Variants in CRCP observed in about 807,000 individuals in gnomAD.
The protein encoded by CRCP is DNA-directed RNA polymerase III subunit RPC9.
CRCP carries 18 observed loss-of-function variants against 18.5 expected under a neutral mutation model. The observed-to-expected ratio is 0.97, with a 90% CI of 0.67 to 1.44. CRCP has a LOEUF of 1.44. Ranked by LOEUF, CRCP falls within the 40% of genes most tolerant of loss-of-function variation. The probability of loss-of-function intolerance (pLI) is 0.00; values close to 1 mark genes in which losing one functional copy is unlikely to be tolerated. For missense variants in CRCP, 130 were observed against 176.4 expected, an observed-to-expected ratio of 0.74 and a Z score of 1.49; for synonymous variants, 53 against 62.9, an observed-to-expected ratio of 0.84 and a Z score of 0.75.
chr7:66,140,212 C>T lies in CRCP; in HGVS notation c.240-5231C>T, dbSNP rs539180993. On this transcript the variant is annotated intron_variant, in intron 4 of 5. Transcript: ENST00000395326. Reference sequence around the variant, plus strand: ...GAGTTGGAGCTGCTTGTGGGGCCACCGCAGCTGCACCAGGATTGAGGCCCT... The same window carrying T: ...GAGTTGGAGCTGCTTGTGGGGCCACTGCAGCTGCACCAGGATTGAGGCCCT... 3.3e-5 allele frequency among the ~76,000 whole-genome samples: 5 copies of T among 152,238 alleles called. No homozygotes were observed. The East Asian group carries it at 5.8e-4, about 18-fold the overall frequency.
At chr7:66,134,183 A>C (rs752288818) in intron 3 of CRCP, 97 bp from the exon 4 acceptor site, 5 of 1,007,772 alleles carry the variant, frequency 5.0e-6, no homozygotes, top group Non-Finnish European at 7.5e-6. Context: ...TACAAACAAA[A>C]TTTTAGAATT....
chr7:66,151,665 A>G (rs1216053761), intron 5 of CRCP, among the ~76,000 whole-genome samples: 1 of 64,588 alleles, frequency 1.5e-5, no homozygotes, highest in Non-Finnish European at 3.2e-5. Flanking sequence ...CCTGTTCACC[A>G]CTTCTCTCTG....
At chr7:66,135,618 A>G (rs542029099) in intron 4 of CRCP, among the ~76,000 whole-genome samples, 244 of 152,282 alleles carry the variant, frequency 1.6e-3, no homozygotes, top group Non-Finnish European at 2.8e-3. Context: ...ACAAATCTTA[A>G]TGGGGTTTAA....
intron 2 of CRCP, among the ~76,000 whole-genome samples, chr7:66,128,114 CAAA>C (rs5884582): frequency 2.3e-5 from 3 of 130,502 alleles, no homozygotes; most frequent in East Asian, 2.2e-4. Flanking sequence ...GGCTCTGTCT[CAAA>C]AAAAAAAAAA....
At position 66,128,475 on chromosome 7, in the gene CRCP, TG is replaced by T. The variant is rs765604802; in HGVS notation, c.45+738del. The stretch of plus-strand genomic sequence containing the variant: ...CTTTTATACATTGCAAATAGTCTTA[TG>T]GGTATTAACATCCTTATTTTGAAAG... On this transcript the variant is annotated intron_variant, in intron 2 of 5. Coordinates refer to ENST00000395326, the MANE Select transcript of CRCP (RefSeq NM_014478.5). Among the ~76,000 whole-genome samples the T allele has an allele frequency of 4.6e-5, 7 of 152,320 alleles. No homozygotes were observed. The East Asian group carries it at 1.2e-3, about 25-fold the overall frequency.
intron 4 of CRCP, among the ~76,000 whole-genome samples, chr7:66,139,636 G>A (rs1228992003): frequency 1.3e-5 from 2 of 152,190 alleles, no homozygotes; most frequent in African/African-American, 2.4e-5. Context: ...ACTTCAAGTC[G>A]GTCTTGCCTT....
chr7:66,152,575 T>C lies in CRCP; in HGVS notation c.*218T>C, dbSNP rs1788508597. 1 of 550,306 alleles carries C rather than the reference T, an allele frequency of 1.8e-6. No individual in the cohort carries two copies. The highest frequency in any genetic ancestry group is 3.2e-6 in the Non-Finnish European group (1 of 311,490). 34.1% of individuals were successfully genotyped at this position (550,306 alleles called of 1,614,324 possible). A position where few individuals can be genotyped will look rare whatever the true frequency, so the allele number is the denominator to read the frequency against. ...GGCTGAGGTTGTCAGGGCAGAGAGC[T>C]GAAGGTGGGGACAGTGACCGCGGAC... On this transcript the variant is annotated 3_prime_UTR_variant, in exon 6 of 6. Coordinates refer to ENST00000395326, the MANE Select transcript of CRCP (RefSeq NM_014478.5).
intron 4 of CRCP, among the ~76,000 whole-genome samples, chr7:66,145,207 G>A (rs80322192): frequency 3.8e-3 from 582 of 152,252 alleles, no homozygotes; most frequent in Non-Finnish European, 5.4e-3. Context: ...AATGGCATAT[G>A]CCCTGCTGCT....
At chr7:66,146,015 C>A (rs1788282483) in intron 5 of CRCP, among the ~76,000 whole-genome samples, 1 of 152,106 alleles carries the variant, frequency 6.6e-6, no homozygotes, top group African/African-American at 2.4e-5. Flanking sequence ...TCAGGGAGTC[C>A]CCAAGTTCTG....
intron 4 of CRCP, among the ~76,000 whole-genome samples, chr7:66,136,612 C>T (rs1433963563): frequency 6.6e-6 from 1 of 151,618 alleles, no homozygotes; most frequent in African/African-American, 2.4e-5. Flanking sequence ...GATCCTCCTG[C>T]TTTGGCTGCC....
intron 5 of CRCP, 113 bp from the exon 6 acceptor site, chr7:66,152,095 C>CTG (rs1788494803): frequency 1.7e-6 from 2 of 1,172,142 alleles, no homozygotes; most frequent in East Asian, 4.7e-5. Flanking sequence ...AGGACCCAGG[C>CTG]TGTGAGGTCT....
At chr7:66,127,634 C>G (rs1787654792) in intron 1 of CRCP, 70 bp from the exon 2 acceptor site, 1 of 1,555,560 alleles carries the variant, frequency 6.4e-7, no homozygotes, top group East Asian at 2.2e-5. Flanking sequence ...GACAGGAATT[C>G]TTTTACAGAA....
chr7:66,132,487 G>A (rs73699720), intron 3 of CRCP, among the ~76,000 whole-genome samples: 6,024 of 152,176 alleles, frequency 0.04, 405 homozygotes, highest in African/African-American at 0.14. Flanking sequence ...TCCCCTTCTC[G>A]TGTCCTGATT....
intron 5 of CRCP, among the ~76,000 whole-genome samples, chr7:66,148,435 C>T (rs1478537086): frequency 6.6e-6 from 1 of 152,156 alleles, no homozygotes; most frequent in Non-Finnish European, 1.5e-5. Flanking sequence ...GTGAGAAGTT[C>T]CCTATATTAA....
At chr7:66,131,400 T>TCACA (rs1787799133) in intron 3 of CRCP, among the ~76,000 whole-genome samples, 1 of 152,166 alleles carries the variant, frequency 6.6e-6, no homozygotes, top group African/African-American at 2.4e-5. Flanking sequence ...TGAAAGGGGA[T>TCACA]CACAGCTCAC....
intron 4 of CRCP, among the ~76,000 whole-genome samples, chr7:66,142,096 G>A (rs1051394290): frequency 1.3e-5 from 2 of 152,024 alleles, no homozygotes; most frequent in Admixed American, 6.6e-5. Flanking sequence ...CCCTCTTCAC[G>A]TGGAGACCTC....
intron 1 of CRCP, 104 bp from the exon 2 acceptor site, chr7:66,127,600 T>G: frequency 7.5e-7 from 1 of 1,328,724 alleles, no homozygotes; most frequent in Admixed American, 1.9e-5. Flanking sequence ...GTCCCTAAAT[T>G]CAAAAAGTGG....
At position 66,154,076 on chromosome 7, in the gene CRCP, A is replaced by G. The variant is rs1257724312; in HGVS notation, c.*1719A>G. The G allele has an allele frequency of 5.9e-5, 9 of 152,080 alleles. No homozygotes were observed. Among genetic ancestry groups the G allele is most frequent in the Admixed American group, 5.9e-4 (9 of 15,246 alleles). The allele number at this position is 152,080 out of a possible 1,614,324, so 9.4% of individuals were successfully genotyped here. On this transcript the variant is annotated 3_prime_UTR_variant, in exon 6 of 6. Coordinates refer to ENST00000395326, the MANE Select transcript of CRCP (RefSeq NM_014478.5). ...TCCATCTCAAAAAAGAGAAAGTACCAGATTGTACTTTTAAATCTGTCTAGC... is the reference window on the plus strand; with the variant it reads ...TCCATCTCAAAAAAGAGAAAGTACCGGATTGTACTTTTAAATCTGTCTAGC...
chr7:66,152,019 G>A (rs1260296561), intron 5 of CRCP, among the ~76,000 whole-genome samples, 189 bp from the exon 6 acceptor site: 1 of 151,964 alleles, frequency 6.6e-6, no homozygotes. Context: ...TTGATCAGTC[G>A]CATTGGCTCA....
Sources: allele counts gnomAD v4.1 joint callset (sites outside exome capture counted in the v4.1 genomes callset), GRCh38; gene constraint gnomAD v4.1.1; transcripts MANE v1.5; gene names NCBI Gene and HGNC (gene_info 2026-07-23, HGNC 2026-07-21).